Variants in WBP1L observed in about 807,000 individuals in gnomAD.
WBP1L encodes WW domain binding protein 1 like, also known as WW domain binding protein 1-like.
WBP1L carries 17 observed loss-of-function variants against 33.7 expected under a neutral mutation model. The observed-to-expected ratio is 0.50, with a 90% CI of 0.34 to 0.76. WBP1L has a LOEUF of 0.76. WBP1L is among the 30% of genes least tolerant of loss of function. The pLI, the probability that WBP1L is intolerant of heterozygous loss-of-function variation, is 0.01. For synonymous variants in WBP1L, 173 were observed against 190.8 expected, an observed-to-expected ratio of 0.91 and a Z score of 0.77; for missense variants, 389 against 469.4, an observed-to-expected ratio of 0.83 and a Z score of 1.58.
intron 1 of WBP1L, among the ~76,000 whole-genome samples, chr10:102,775,632 G>A (rs965000015): frequency 1.3e-5 from 2 of 152,170 alleles, no homozygotes; most frequent in Admixed American, 6.5e-5. Context: ...GGCTCGAAAG[G>A]TCAGTGTCCA....
chr10:102,791,868 T>G (rs1033444696), intron 1 of WBP1L, among the ~76,000 whole-genome samples: 2 of 152,172 alleles, frequency 1.3e-5, no homozygotes, highest in African/African-American at 4.8e-5. Context: ...ATTGGCAGAT[T>G]AAAACCATGC....
chr10:102,799,063 C>T (rs759015341), intron 2 of WBP1L, among the ~76,000 whole-genome samples: 26 of 152,156 alleles, frequency 1.7e-4, no homozygotes, highest in Admixed American at 1.4e-3. Context: ...CAGTAGCTCA[C>T]GCTTATAATC....
At chr10:102,802,930 C>T (rs925649510) in intron 2 of WBP1L, among the ~76,000 whole-genome samples, 2 of 152,256 alleles carry the variant, frequency 1.3e-5, no homozygotes, top group Non-Finnish European at 2.9e-5. Context: ...ATACATCAGG[C>T]ATAGTTCTGC....
intron 1 of WBP1L, among the ~76,000 whole-genome samples, chr10:102,786,635 C>G (rs1340565413): frequency 1.3e-5 from 2 of 152,170 alleles, no homozygotes; most frequent in East Asian, 1.9e-4. Flanking sequence ...TTATAAGATG[C>G]CCTTATTGTC....
At chr10:102,761,264 C>T (rs1843037038) in intron 1 of WBP1L, among the ~76,000 whole-genome samples, 1 of 149,158 alleles carries the variant, frequency 6.7e-6, no homozygotes, top group Admixed American at 6.7e-5. Flanking sequence ...CTCAGCCTCT[C>T]AAGTAGCTGG....
At chr10:102,788,180 G>A (rs1843445748) in intron 1 of WBP1L, among the ~76,000 whole-genome samples, 2 of 144,564 alleles carry the variant, frequency 1.4e-5, no homozygotes, top group African/African-American at 2.6e-5. Flanking sequence ...CCAGGCTGGA[G>A]TGCAGTGGTG....
chr10:102,743,954 C>A lies in WBP1L; in HGVS notation c.-100C>A. On this transcript the variant is annotated 5_prime_UTR_variant, in exon 1 of 4. Transcript: ENST00000448841. ...CCGGAAGCGGGAGGGGAGCGTCAAA[C>A]AGGAAAAGAAGGGAAGAAGGAAGAA... 1 of 966,698 alleles carries A rather than the reference C, an allele frequency of 1.0e-6. No individual in the cohort carries two copies. Among genetic ancestry groups the A allele is most frequent in the Non-Finnish European group, 1.5e-6 (1 of 656,262 alleles). 59.9% of individuals were successfully genotyped at this position (966,698 alleles called of 1,614,324 possible).
chr10:102,772,797 T>C (rs1445408899), intron 1 of WBP1L, among the ~76,000 whole-genome samples: 2 of 151,734 alleles, frequency 1.3e-5, no homozygotes, highest in Admixed American at 6.6e-5. Context: ...TTTGAACTCC[T>C]GGGCTCAAGC....
At chr10:102,791,762 A>G (rs754784193) in intron 1 of WBP1L, among the ~76,000 whole-genome samples, 3 of 152,234 alleles carry the variant, frequency 2.0e-5, no homozygotes, top group Non-Finnish European at 2.9e-5. Context: ...AAGGACTTCA[A>G]TTCTTATTTT....
chr10:102,810,835 G>A (rs995369291), intron 3 of WBP1L, among the ~76,000 whole-genome samples: 5 of 151,058 alleles, frequency 3.3e-5, no homozygotes, highest in African/African-American at 1.2e-4. Flanking sequence ...CCAAAGTGCT[G>A]GGATTACAGG....
intron 1 of WBP1L, among the ~76,000 whole-genome samples, chr10:102,771,545 T>C (rs1843186771): frequency 7.0e-6 from 1 of 142,832 alleles, no homozygotes; most frequent in African/African-American, 2.4e-5. Flanking sequence ...AAAGTTAATC[T>C]GAGGCCAGAC....
At chr10:102,791,385 C>A (rs1383215401) in intron 1 of WBP1L, among the ~76,000 whole-genome samples, 2 of 152,196 alleles carry the variant, frequency 1.3e-5, no homozygotes, top group Admixed American at 6.5e-5. Context: ...CCTCCCACCC[C>A]CCGAATCTCT....
chr10:102,771,043 C>T (rs187305546), intron 1 of WBP1L, among the ~76,000 whole-genome samples: 4 of 152,286 alleles, frequency 2.6e-5, no homozygotes, highest in Admixed American at 2.0e-4. Flanking sequence ...GTAATAGCCA[C>T]ATCATAGGGT....
chr10:102,767,619 G>C (rs1021109891), intron 1 of WBP1L, among the ~76,000 whole-genome samples: 10 of 152,152 alleles, frequency 6.6e-5, no homozygotes, highest in African/African-American at 9.7e-5. Context: ...TTTGGAGACC[G>C]AGAGCAGGAT....
chr10:102,765,245 C>CT (rs200711158), intron 1 of WBP1L, among the ~76,000 whole-genome samples: 62 of 151,328 alleles, frequency 4.1e-4, no homozygotes, highest in African/African-American at 1.4e-3. Context: ...TTTTATGATC[C>CT]TTTTTTTTTC....
intron 2 of WBP1L, among the ~76,000 whole-genome samples, chr10:102,809,573 A>G (rs1843798380): frequency 6.6e-6 from 1 of 151,900 alleles, no homozygotes; most frequent in African/African-American, 2.4e-5. Flanking sequence ...GGGTTTCACC[A>G]TGTTGGCCAG....
chr10:102,776,245 T>C, intron 1 of WBP1L: 1 of 1,573,714 alleles, frequency 6.4e-7, no homozygotes, highest in Non-Finnish European at 8.6e-7. Flanking sequence ...GTCCCAGGAC[T>C]CTGTTTACTT....
intron 1 of WBP1L, among the ~76,000 whole-genome samples, chr10:102,786,705 C>T (rs1843420489): frequency 6.6e-6 from 1 of 152,170 alleles, no homozygotes; most frequent in African/African-American, 2.4e-5. Context: ...TGGGAGGGAC[C>T]AGACCAGATT....
chr10:102,808,890 C>T (rs1219204826), intron 2 of WBP1L, among the ~76,000 whole-genome samples: 1 of 151,932 alleles, frequency 6.6e-6, no homozygotes, highest in Non-Finnish European at 1.5e-5. Flanking sequence ...GAAAGTGAAG[C>T]ATTTTCTCAG....
Sources: allele counts gnomAD v4.1 joint callset (sites outside exome capture counted in the v4.1 genomes callset), GRCh38; gene constraint gnomAD v4.1.1; transcripts MANE v1.5; gene names NCBI Gene and HGNC (gene_info 2026-07-23, HGNC 2026-07-21).